Variants in PITPNA observed in about 807,000 individuals in gnomAD.
The protein encoded by PITPNA is phosphatidylinositol transfer protein alpha.
PITPNA carries 13 observed loss-of-function variants against 50.3 expected under a neutral mutation model. The observed-to-expected ratio is 0.26, with a 90% CI of 0.17 to 0.41. The LOEUF is 0.41. PITPNA is among the 10% of genes least tolerant of loss of function. The pLI, the probability that PITPNA is intolerant of heterozygous loss-of-function variation, is 1.00. For synonymous variants in PITPNA, 120 were observed against 119.6 expected, an observed-to-expected ratio of 1.00 and a Z score of -0.02; for missense variants, 207 against 333.4, an observed-to-expected ratio of 0.62 and a Z score of 2.95.
At position 1,562,396 on chromosome 17, in the gene PITPNA, C is replaced by G; in HGVS notation, c.20+145G>C. ...CGTGCCGCCCGCCCCGGATCCCCTC[C>G]ATCCCCGCTGGGCCCGCCTCAGGCA... On this transcript the variant is annotated intron_variant, in intron 1 of 11. Transcript: ENST00000313486. The surrounding 1 kb of genome is among the most constrained non-coding windows in gnomAD (Gnocchi z 6.4). 1 of 560,234 alleles carries G rather than the reference C, an allele frequency of 1.8e-6. No homozygotes were observed. The highest frequency in any genetic ancestry group is 2.6e-6 in the Non-Finnish European group (1 of 378,046). 34.7% of individuals were successfully genotyped at this position (560,234 alleles called of 1,614,324 possible). A position where few individuals can be genotyped will look rare whatever the true frequency, so the allele number is the denominator to read the frequency against.
intron 7 of PITPNA, among the ~76,000 whole-genome samples, chr17:1,536,916 T>C (rs986257609): frequency 1.3e-4 from 18 of 140,500 alleles, no homozygotes; most frequent in African/African-American, 4.0e-4. Flanking sequence ...TTTTTTTTTT[T>C]CAGATAGAGT....
chr17:1,526,287 A>T (rs1291762593), intron 10 of PITPNA, among the ~76,000 whole-genome samples: 8 of 152,226 alleles, frequency 5.3e-5, no homozygotes, highest in African/African-American at 1.9e-4. Flanking sequence ...TAACCTCCAC[A>T]AACGCCAAAA....
At chr17:1,537,947 C>T (rs1230280893) in intron 7 of PITPNA, among the ~76,000 whole-genome samples, 7 of 152,008 alleles carry the variant, frequency 4.6e-5, no homozygotes, top group Admixed American at 3.9e-4. Flanking sequence ...ATTACAGGCA[C>T]GTACCACCAG....
At chr17:1,531,307 C>T (rs1039763005) in intron 10 of PITPNA, among the ~76,000 whole-genome samples, 21 of 152,020 alleles carry the variant, frequency 1.4e-4, no homozygotes, top group African/African-American at 2.7e-4. Flanking sequence ...AAAAAAGACT[C>T]GAAGTCCTGA....
At chr17:1,523,852 T>C (rs560945556) in intron 10 of PITPNA, among the ~76,000 whole-genome samples, 15 of 151,154 alleles carry the variant, frequency 9.9e-5, no homozygotes, top group Middle Eastern at 3.4e-3. Context: ...GGGGACAGGG[T>C]CTCATTGTAT....
rs374730995 is a variant in PITPNA at position 1,535,558 on chromosome 17, A to T, written c.457-40T>A. The T allele has an allele frequency of 4.9e-6, 6 of 1,213,286 alleles. No individual in the cohort carries two copies. The Admixed American group carries it at 5.1e-5, about 10-fold the overall frequency. 75.2% of individuals were successfully genotyped at this position (1,213,286 alleles called of 1,614,324 possible). On this transcript the variant is annotated intron_variant, in intron 7 of 11. Transcript: ENST00000313486. ...GGAATTGGGGTTGGAGGGGAGTGGG[A>T]GAGGGAGTGAGAGATGGGGAGAACA...
At chr17:1,541,428 G>A (rs2151008735) in intron 6 of PITPNA, 138 bp downstream of exon 6, 1 of 669,122 alleles carries the variant, frequency 1.5e-6, no homozygotes, top group Non-Finnish European at 2.7e-6. Flanking sequence ...ATGCTGGTAA[G>A]ATAGGTCTAG....
chr17:1,518,512 T>C lies in PITPNA; in HGVS notation c.*2049A>G, dbSNP rs1160651498. On this transcript the variant is annotated 3_prime_UTR_variant, in exon 12 of 12. Transcript: ENST00000313486. ...AACAGACCAGGGACATCCTCCTTTA[T>C]GTTTATGTGGGCTGCAATTCCAGAT... is the stretch of plus-strand genomic sequence containing the variant. 6.6e-6 allele frequency: 1 copy of C among 152,458 alleles called. No homozygotes were observed. The highest frequency in any genetic ancestry group is 1.5e-5 in the Non-Finnish European group (1 of 68,036). The allele number at this position is 152,458 out of a possible 1,614,324, so 9.4% of individuals were successfully genotyped here. A position where few individuals can be genotyped will look rare whatever the true frequency, so the allele number is the denominator to read the frequency against.
chr17:1,534,911 A>G (rs772380987), intron 9 of PITPNA, among the ~76,000 whole-genome samples: 2 of 152,246 alleles, frequency 1.3e-5, no homozygotes, highest in Admixed American at 6.5e-5. Flanking sequence ...AGGTATGCTC[A>G]TGTTGGCAAC....
chr17:1,527,668 A>G (rs2075555796), intron 10 of PITPNA, among the ~76,000 whole-genome samples: 1 of 152,136 alleles, frequency 6.6e-6, no homozygotes, highest in Admixed American at 6.5e-5. Context: ...TTTTTTTTCT[A>G]TCTTTTGAAA....
At chr17:1,541,917 G>A (rs2075649823) in intron 5 of PITPNA, 6 of 543,362 alleles carry the variant, frequency 1.1e-5, no homozygotes, top group Non-Finnish European at 1.8e-5. Context: ...CACAGAGATC[G>A]GGCCAGGCAT....
At chr17:1,532,733 C>A (rs1323343499) in intron 10 of PITPNA, among the ~76,000 whole-genome samples, 2 of 152,176 alleles carry the variant, frequency 1.3e-5, no homozygotes, top group Admixed American at 6.5e-5. Context: ...TCACAATCAC[C>A]AGACCCCTGG....
intron 3 of PITPNA, among the ~76,000 whole-genome samples, chr17:1,552,381 G>A (rs191439736): frequency 2.0e-5 from 3 of 152,328 alleles, no homozygotes; most frequent in African/African-American, 7.2e-5. Context: ...TCTGCTCACA[G>A]TTTGCTGAAA....
intron 11 of PITPNA, among the ~76,000 whole-genome samples, chr17:1,521,113 G>A (rs1050571618): frequency 1.3e-5 from 2 of 152,184 alleles, no homozygotes; most frequent in Non-Finnish European, 2.9e-5. Flanking sequence ...AGCTTAGTAT[G>A]GGATCGGGGG....
intron 7 of PITPNA, among the ~76,000 whole-genome samples, chr17:1,537,097 C>T (rs1427624413): frequency 6.6e-6 from 1 of 150,444 alleles, no homozygotes; most frequent in Non-Finnish European, 1.5e-5. Context: ...CACAGTTTCA[C>T]TCTTTTTGCC....
intron 4 of PITPNA, among the ~76,000 whole-genome samples, chr17:1,546,354 A>G (rs1351086998): frequency 1.3e-5 from 2 of 152,038 alleles, no homozygotes; most frequent in Non-Finnish European, 2.9e-5. Flanking sequence ...CACATCCCAG[A>G]CCCCACCAAT....
chr17:1,520,147 A>C lies in PITPNA; in HGVS notation c.*414T>G, dbSNP rs2075501068. The C allele has an allele frequency of 6.6e-6, 1 of 152,240 alleles. No individual in the cohort carries two copies. Among genetic ancestry groups the C allele is most frequent in the African/African-American group, 2.4e-5 (1 of 41,462 alleles). The allele number at this position is 152,240 out of a possible 1,614,324, so 9.4% of individuals were successfully genotyped here. On this transcript the variant is annotated 3_prime_UTR_variant, in exon 12 of 12. Transcript: ENST00000313486. Reference sequence around the variant, plus strand: ...ATCTTCCCAGGAAGCAAAATACCTCAGTTTACCCCAAGGTTGAGAACAAAT... The same window carrying C: ...ATCTTCCCAGGAAGCAAAATACCTCCGTTTACCCCAAGGTTGAGAACAAAT...
intron 2 of PITPNA, among the ~76,000 whole-genome samples, chr17:1,557,936 A>G (rs576878959): frequency 6.6e-6 from 1 of 152,214 alleles, no homozygotes; most frequent in East Asian, 1.9e-4. Context: ...GATCCCATCA[A>G]TAATGCGTCC....
intron 4 of PITPNA, among the ~76,000 whole-genome samples, chr17:1,545,769 T>C (rs2075670600): frequency 6.6e-6 from 1 of 152,040 alleles, no homozygotes; most frequent in African/African-American, 2.4e-5. Context: ...GGGGCATCTC[T>C]CAGTTGGCAC....
Sources: gnomAD v4.1 joint callset for allele counts (sites outside exome capture counted in the v4.1 genomes callset) on GRCh38, gnomAD v4.1.1 for gene constraint, Gnocchi (gnomAD v3.1) non-coding constraint, MANE v1.5 for transcripts, NCBI Gene and HGNC (gene_info 2026-07-23, HGNC 2026-07-21) for gene names.